Variants in MAP3K15 observed in about 807,000 individuals in gnomAD.
MAP3K15 encodes mitogen-activated protein kinase kinase kinase 15.
In MAP3K15, 124 loss-of-function variants were observed where a neutral mutation model predicts 99.5. The observed-to-expected ratio is 1.25, with a 90% CI of 1.08 to 1.45. The LOEUF is 1.45. Among genes scored for constraint, MAP3K15 ranks in the 40% most tolerant of loss-of-function variants. The probability of loss-of-function intolerance (pLI) is 0.00; values close to 1 mark genes in which losing one functional copy is unlikely to be tolerated. For missense variants in MAP3K15, 1,242 were observed against 1,079.7 expected (o/e 1.15, Z -2.11); for synonymous variants, 494 against 439.6 (o/e 1.12, Z -1.55).
intron 3 of MAP3K15, among the ~76,000 whole-genome samples, chrX:19,483,565 A>AGT (rs140310801): frequency 0.084 from 8,861 of 106,008 alleles, 491 homozygotes; most frequent in East Asian, 0.18. Context: ...ACTAACTATG[A>AGT]GTGTGTGTGT....
chrX:19,489,984 T>G (rs1343092028), intron 1 of MAP3K15, among the ~76,000 whole-genome samples: 1 of 110,785 alleles, frequency 9.0e-6, no homozygotes, highest in Non-Finnish European at 1.9e-5. Context: ...TGCAGTGAAC[T>G]CAGATCGTGC....
chrX:19,399,622 T>A (rs1370186184), intron 14 of MAP3K15, among the ~76,000 whole-genome samples: 1 of 107,050 alleles, frequency 9.3e-6, no homozygotes, highest in Non-Finnish European at 1.9e-5. Context: ...TAGTCCCAGC[T>A]ACATGGGAGG....
intron 1 of MAP3K15, 100 bp downstream of exon 1, chrX:19,514,801 G>GGAGGGGGACGGGGGAGAAGGGC: frequency 5.5e-6 from 1 of 182,403 alleles, no homozygotes; most frequent in Non-Finnish European, 9.1e-6. Flanking sequence ...GGGACGAGGG[G>GGAGGGGGACGGGGGAGAAGGGC]GAGGGGGACG....
chrX:19,411,239 T>C (rs991723290), intron 11 of MAP3K15, among the ~76,000 whole-genome samples: 2 of 110,551 alleles, frequency 1.8e-5, no homozygotes, highest in Non-Finnish European at 3.8e-5. Context: ...AGTGACCAAC[T>C]AAGCCACCCA....
At chrX:19,380,061 CTT>C (rs2063447617) in intron 19 of MAP3K15, 57 bp downstream of exon 19, 2 of 1,093,693 alleles carry the variant, frequency 1.8e-6, no homozygotes, top group Non-Finnish European at 2.4e-6. Context: ...TGGGAGGAGA[CTT>C]TGTTTTTAAT....
chrX:19,507,575 CAAAAAAAAAAAAAAAAAAA>C (rs1165492097), intron 1 of MAP3K15, among the ~76,000 whole-genome samples: 6 of 10,896 alleles, frequency 5.5e-4, no homozygotes, highest in Admixed American at 4.0e-3. Flanking sequence ...CACCTTGTCT[CAAAAAAAAAAAAAAAAAAA>C]AAAAAAAAAA....
chrX:19,514,035 G>A (rs951394775), intron 1 of MAP3K15, among the ~76,000 whole-genome samples: 2 of 111,333 alleles, frequency 1.8e-5, no homozygotes, highest in Admixed American at 9.6e-5. Flanking sequence ...CAGGGTGGTG[G>A]CTCACACTCC....
intron 1 of MAP3K15, among the ~76,000 whole-genome samples, chrX:19,489,842 C>G (rs2064355262): frequency 9.0e-6 from 1 of 110,523 alleles, no homozygotes; most frequent in South Asian, 3.9e-4. Flanking sequence ...TCGAGACCAG[C>G]CTGTCCAACA....
intron 11 of MAP3K15, 145 bp downstream of exon 11, chrX:19,413,212 C>T: frequency 2.2e-6 from 1 of 444,933 alleles, no homozygotes; most frequent in Non-Finnish European, 3.9e-6. Context: ...AATGGAAAAA[C>T]CTACTGTCTC....
In MAP3K15 at chrX:19,380,225, A is replaced by G. The variant is rs2063449334; in HGVS notation, c.2484T>C (p.Tyr828=). ...PEIIDQGPRG[Y]GAPADIWSLG... ...GGGACCAGATATCGGCTGGGGCACC[A>G]TATCCGCGAGGCCCTTGGTCAATTA... The change falls in exon 19 of 29, where the codon TAT becomes TAC. Residue 828 remains tyrosine, a synonymous_variant. Transcript: ENST00000338883. 8.3e-7 allele frequency: 1 copy of G among 1,204,314 alleles called. No homozygotes were observed. The highest frequency in any genetic ancestry group is 1.1e-6 in the Non-Finnish European group (1 of 892,593).
At chrX:19,480,092 G>A (rs1253705703) in intron 3 of MAP3K15, among the ~76,000 whole-genome samples, 1 of 112,029 alleles carries the variant, frequency 8.9e-6, no homozygotes, top group Admixed American at 9.5e-5. Flanking sequence ...TGAAAGACCT[G>A]TACATGGAAA....
intron 16 of MAP3K15, among the ~76,000 whole-genome samples, chrX:19,393,016 A>G (rs2063538179): frequency 9.0e-6 from 1 of 111,056 alleles, no homozygotes; most frequent in African/African-American, 3.3e-5. Flanking sequence ...CACAGTGGCA[A>G]GTCTCAGGGC....
Position 19,374,638 on chromosome X carries a change from G to A in MAP3K15, c.2612C>T (p.Pro871Leu). 1 of 1,211,009 alleles carries A rather than the reference G, an allele frequency of 8.3e-7. No individual in the cohort carries two copies. The highest frequency in any genetic ancestry group is 3.0e-5 in the East Asian group (1 of 33,826). The change falls in exon 20 of 29, where the codon CCT becomes CTT. Residue 871 changes from proline (P) to leucine (L), a missense_variant. Coordinates refer to ENST00000338883, the MANE Select transcript of MAP3K15 (RefSeq NM_001001671.4). ...MFKVGMFKIH[P>L]EIPEALSAEA... is the part of the protein sequence containing the mutation. ...AGCTGAAAGGGCTTCTGGAATCTCA[G>A]GGTGGATCTTAAACATGCCCACCTG...
intron 6 of MAP3K15, among the ~76,000 whole-genome samples, chrX:19,448,110 C>T (rs185224797): frequency 6.5e-5 from 7 of 107,050 alleles, no homozygotes; most frequent in East Asian, 5.8e-4. Flanking sequence ...AGGCAGCGGG[C>T]GAGAAGGCAG....
chrX:19,488,879 A>G lies in MAP3K15; in HGVS notation c.450T>C (p.Asn150=), dbSNP rs766856975. The change falls in exon 2 of 29, where the codon AAT becomes AAC. Residue 150 remains asparagine, a synonymous_variant. Coordinates refer to ENST00000338883, the MANE Select transcript of MAP3K15 (RefSeq NM_001001671.4). ...LGVRESFDMA[N]NVILYHDTDA... is the part of the protein sequence containing the mutation. ...CGGTGTCATGGTACAAGATCACATT[A>G]TTGGCCATGTCAAAGCTTTCTCGGA... 2 of 1,199,214 alleles carry G rather than the reference A, an allele frequency of 1.7e-6. No homozygotes were observed. The highest frequency in any genetic ancestry group is 2.2e-6 in the Non-Finnish European group (2 of 894,290).
intron 3 of MAP3K15, among the ~76,000 whole-genome samples, chrX:19,480,030 G>A (rs733494): frequency 0.073 from 8,163 of 111,340 alleles, 661 homozygotes; most frequent in African/African-American, 0.23. Context: ...AATTCCATTC[G>A]CAAGAGTATC....
chrX:19,393,648 A>G (rs868849187), intron 16 of MAP3K15, among the ~76,000 whole-genome samples: 7 of 109,736 alleles, frequency 6.4e-5, no homozygotes, highest in Non-Finnish European at 1.3e-4. Flanking sequence ...AAAAAAAAAA[A>G]GAAAAAGCAG....
intron 18 of MAP3K15, 114 bp from the exon 19 acceptor site, chrX:19,380,391 T>C: frequency 1.3e-6 from 1 of 770,643 alleles, no homozygotes; most frequent in Non-Finnish European, 1.9e-6. Context: ...AGCCCAGGTG[T>C]TGGAGACCAG....
intron 4 of MAP3K15, among the ~76,000 whole-genome samples, chrX:19,462,472 G>A (rs1231897438): frequency 8.9e-6 from 1 of 112,278 alleles, no homozygotes; most frequent in African/African-American, 3.2e-5. Flanking sequence ...TAAAGGCACT[G>A]AAGCTATTAA....
Sources: allele counts gnomAD v4.1 joint callset (sites outside exome capture counted in the v4.1 genomes callset), GRCh38; gene constraint gnomAD v4.1.1; transcripts MANE v1.5; gene names NCBI Gene and HGNC (gene_info 2026-07-23, HGNC 2026-07-21).